The following PTPRN2 variants were observed in gnomAD, a reference collection of about 807,000 sequenced individuals.
The protein encoded by PTPRN2 is protein tyrosine phosphatase receptor type N2, also known as receptor-type tyrosine-protein phosphatase N2.
Under a neutral mutation model 118.8 loss-of-function variants are expected in PTPRN2, and 74 were observed. The ratio of observed to expected loss-of-function variants is 0.62; its 90% CI spans 0.52 to 0.76. PTPRN2 has a LOEUF of 0.76. PTPRN2 is among the 30% of genes least tolerant of loss of function. PTPRN2 has a pLI of 0.00. For missense variants in PTPRN2, 1,481 were observed against 1,394.4 expected, an observed-to-expected ratio of 1.06 and a Z score of -0.99; for synonymous variants, 641 against 608.0, an observed-to-expected ratio of 1.05 and a Z score of -0.80.
At chr7:158,304,378 G>A (rs1801120355) in intron 3 of PTPRN2, among the ~76,000 whole-genome samples, 1 of 147,828 alleles carries the variant, frequency 6.8e-6, no homozygotes. Context: ...TTCTAGGGAG[G>A]CATAAGACAT....
intron 2 of PTPRN2, among the ~76,000 whole-genome samples, chr7:158,382,663 C>A (rs1043909205): frequency 1.3e-5 from 2 of 152,084 alleles, no homozygotes; most frequent in Admixed American, 6.6e-5. Flanking sequence ...GGAGTGCAAA[C>A]CCCATTGTGA....
intron 17 of PTPRN2, among the ~76,000 whole-genome samples, chr7:157,589,603 A>G (rs1800871692): frequency 6.6e-6 from 1 of 152,168 alleles, no homozygotes; most frequent in African/African-American, 2.4e-5. Context: ...CCAGAGCTCA[A>G]CGCCTGGGGG....
chr7:158,319,492 A>ACACCCAGC (rs1563131485), intron 2 of PTPRN2, among the ~76,000 whole-genome samples: 1 of 30,364 alleles, frequency 3.3e-5, no homozygotes, highest in Non-Finnish European at 7.1e-5. Flanking sequence ...CCTCCCTCAC[A>ACACCCAGC]CTCACACAGC....
intron 1 of PTPRN2, 78 bp from the exon 2 acceptor site, chr7:158,489,863 CT>C: frequency 2.9e-6 from 4 of 1,367,606 alleles, no homozygotes; most frequent in Non-Finnish European, 4.0e-6. Flanking sequence ...TCCTGGCCCC[CT>C]GGTGAATTTC....
intron 10 of PTPRN2, among the ~76,000 whole-genome samples, chr7:158,086,958 G>A (rs182163027): frequency 3.0e-4 from 46 of 152,320 alleles, no homozygotes; most frequent in Admixed American, 2.7e-3. Context: ...CAAGGCTTGA[G>A]ATCCAATTGT....
chr7:157,906,748 G>A (rs1283118226), intron 11 of PTPRN2, among the ~76,000 whole-genome samples: 1 of 152,344 alleles, frequency 6.6e-6, no homozygotes, highest in Non-Finnish European at 1.5e-5. Context: ...TGTTCTCCCA[G>A]GACCACGGGC....
chr7:157,958,103 A>T (rs1029201408), intron 11 of PTPRN2, among the ~76,000 whole-genome samples: 3 of 152,228 alleles, frequency 2.0e-5, no homozygotes, highest in Non-Finnish European at 2.9e-5. Context: ...CACATAAAAA[A>T]TAATAAACGC....
At chr7:157,851,787 G>A (rs1258317601) in intron 12 of PTPRN2, among the ~76,000 whole-genome samples, 1 of 152,238 alleles carries the variant, frequency 6.6e-6, no homozygotes, top group African/African-American at 2.4e-5. Context: ...TGCGGAATTT[G>A]GCAGACAGTG....
At chr7:158,141,453 A>G (rs2150470660) in intron 6 of PTPRN2, among the ~76,000 whole-genome samples, 1 of 152,300 alleles carries the variant, frequency 6.6e-6, no homozygotes, top group Non-Finnish European at 1.5e-5. Flanking sequence ...CTGCATACGC[A>G]GGACAGGAGT....
chr7:158,110,164 C>T (rs1328287145), intron 10 of PTPRN2, among the ~76,000 whole-genome samples: 1 of 152,254 alleles, frequency 6.6e-6, no homozygotes, highest in African/African-American at 2.4e-5. Context: ...TCCCTCTTCT[C>T]TCTGACCTCT....
chr7:157,565,174 A>G (rs73513075), intron 21 of PTPRN2, among the ~76,000 whole-genome samples: 2 of 152,352 alleles, frequency 1.3e-5, no homozygotes, highest in African/African-American at 4.8e-5. Flanking sequence ...ATCCACACAC[A>G]AAATAGTACC....
At chr7:158,328,745 G>A (rs1455095724) in intron 2 of PTPRN2, among the ~76,000 whole-genome samples, 1 of 149,034 alleles carries the variant, frequency 6.7e-6, no homozygotes, top group Non-Finnish European at 1.5e-5. Flanking sequence ...TATGGTGAGA[G>A]TGTGGGTGTC....
chr7:158,401,975 G>A lies in PTPRN2; in HGVS notation c.164-85043C>T, dbSNP rs149808200. On this transcript the variant is annotated intron_variant, in intron 2 of 22. Coordinates refer to ENST00000389418, the MANE Select transcript of PTPRN2 (RefSeq NM_002847.5). Reference sequence around the variant, plus strand: ...CCCATCTGGGAAAGGGGGTCTGGCCGGTGCCCAGAGCCAGGGAGAGGTGGG... The same window carrying A: ...CCCATCTGGGAAAGGGGGTCTGGCCAGTGCCCAGAGCCAGGGAGAGGTGGG... 4.4e-3 allele frequency among the ~76,000 whole-genome samples: 669 copies of A among 152,236 alleles called. 4 individuals carry two copies. The highest frequency in any genetic ancestry group is 0.015 in the African/African-American group (622 of 41,530).
chr7:158,092,995 T>C (rs1349669184), intron 10 of PTPRN2, among the ~76,000 whole-genome samples: 1 of 152,240 alleles, frequency 6.6e-6, no homozygotes, highest in African/African-American at 2.4e-5. Flanking sequence ...CTTGTAGTTT[T>C]AGGTGCTAGC....
chr7:158,269,876 A>C (rs1272606590), intron 3 of PTPRN2, among the ~76,000 whole-genome samples: 2 of 151,816 alleles, frequency 1.3e-5, no homozygotes, highest in Non-Finnish European at 2.9e-5. Flanking sequence ...AGACAGAAAG[A>C]GACAGAGAGA....
rs1408340177 is a variant in PTPRN2 at position 157,642,836 on chromosome 7, AAAAAAAAAG to A, written c.2196+13512_2196+13520del. On this transcript the variant is annotated intron_variant, in intron 14 of 22. Coordinates refer to ENST00000389418, the MANE Select transcript of PTPRN2 (RefSeq NM_002847.5). ...CAGCAAAAAAAAAAAAAAAAAAAAA[AAAAAAAAAG>A]CAGCTAAAACGCAGGGCTGCGGGAC... Among the ~76,000 whole-genome samples, 14 of 146,030 alleles carry A rather than the reference AAAAAAAAAG, an allele frequency of 9.6e-5. No homozygotes were observed. The South Asian group carries it at 2.6e-3, about 27-fold the overall frequency.
chr7:157,870,263 T>C (rs2117522), intron 12 of PTPRN2, among the ~76,000 whole-genome samples: 29,385 of 152,182 alleles, frequency 0.19, 3,043 homozygotes, highest in East Asian at 0.27. Context: ...AATTGTTGGT[T>C]CTCTCCAATT....
chr7:158,271,864 G>A (rs111346176), intron 3 of PTPRN2, among the ~76,000 whole-genome samples: 150 of 152,272 alleles, frequency 9.9e-4, no homozygotes, highest in African/African-American at 3.5e-3. Flanking sequence ...TCAGCGCCTT[G>A]CAAAGGCCCC....
At chr7:158,459,466 C>T (rs1373249412) in intron 2 of PTPRN2, among the ~76,000 whole-genome samples, 1 of 152,150 alleles carries the variant, frequency 6.6e-6, no homozygotes, top group Non-Finnish European at 1.5e-5. Flanking sequence ...TCCAGGGGCC[C>T]GCAAAAGGAC....
Sources: allele counts gnomAD v4.1 joint callset (sites outside exome capture counted in the v4.1 genomes callset), GRCh38; gene constraint gnomAD v4.1.1; transcripts MANE v1.5; gene names NCBI Gene and HGNC (gene_info 2026-07-23, HGNC 2026-07-21).